PDE4D: variants seen among roughly 807,000 people sequenced by gnomAD.
The protein encoded by PDE4D is phosphodiesterase 4D.
A neutral mutation model predicts 87.4 loss-of-function variants in PDE4D; 24 were observed. The observed-to-expected ratio is 0.27, with a 90% confidence interval of 0.20 to 0.39. PDE4D has a LOEUF of 0.39. Ranked by LOEUF, PDE4D falls within the 10% of genes least tolerant of loss-of-function variation. The pLI is 1.00. For synonymous variants in PDE4D, 384 were observed against 383.2 expected, an observed-to-expected ratio of 1.00 and a Z score of -0.02; for missense variants, 714 against 1,041.0, an observed-to-expected ratio of 0.69 and a Z score of 4.32.
At chr5:59,619,111 CAATT>C (rs1830052916) in intron 1 of PDE4D, among the ~76,000 whole-genome samples, 1 of 152,032 alleles carries the variant, frequency 6.6e-6, no homozygotes, top group African/African-American at 2.4e-5. Context: ...TATGACTTGA[CAATT>C]GATTGGACAT....
chr5:60,111,170 A>C (rs1455773724), intron 2 of PDE4D, among the ~76,000 whole-genome samples: 1 of 152,046 alleles, frequency 6.6e-6, no homozygotes, highest in Non-Finnish European at 1.5e-5. Context: ...CAATGTTCAA[A>C]ACACAAAGAA....
chr5:60,513,501 C>T (rs902021891), intron 1 of PDE4D, among the ~76,000 whole-genome samples: 1 of 151,946 alleles, frequency 6.6e-6, no homozygotes, highest in South Asian at 2.1e-4. Context: ...TTTAACACAC[C>T]TCTTGTAACA....
At chr5:59,556,320 C>G (rs1008059337) in intron 1 of PDE4D, among the ~76,000 whole-genome samples, 6 of 152,084 alleles carry the variant, frequency 3.9e-5, no homozygotes, top group African/African-American at 1.4e-4. Flanking sequence ...CTGTACATTT[C>G]TTTAGCACAC....
At chr5:59,275,564 C>G (rs1043427576) in intron 1 of PDE4D, 1 of 1,418,184 alleles carries the variant, frequency 7.1e-7, no homozygotes, top group Non-Finnish European at 9.2e-7. Flanking sequence ...CGGTCCAGCT[C>G]ATGGGCAAGG....
intron 5 of PDE4D, among the ~76,000 whole-genome samples, chr5:59,173,678 A>G (rs1051277971): frequency 6.6e-6 from 1 of 152,210 alleles, no homozygotes; most frequent in African/African-American, 2.4e-5. Context: ...GGCAATTATT[A>G]AAGTGTGGCC....
At chr5:59,764,609 G>A (rs951203013) in intron 1 of PDE4D, among the ~76,000 whole-genome samples, 3 of 147,906 alleles carry the variant, frequency 2.0e-5, no homozygotes, top group African/African-American at 7.5e-5. Flanking sequence ...ATAGCATATA[G>A]AAATGAAATA....
At chr5:59,622,957 A>G (rs1830505469) in intron 1 of PDE4D, among the ~76,000 whole-genome samples, 1 of 151,980 alleles carries the variant, frequency 6.6e-6, no homozygotes, top group Admixed American at 6.6e-5. Flanking sequence ...CAGTAAGAAA[A>G]CCCTTCCTTT....
chr5:59,099,307 C>T (rs1005284113), intron 5 of PDE4D, among the ~76,000 whole-genome samples: 1 of 152,138 alleles, frequency 6.6e-6, no homozygotes, highest in African/African-American at 2.4e-5. Flanking sequence ...AGTAAAGATC[C>T]GGTTCTTTAC....
chr5:59,454,256 C>T (rs1341237928), intron 1 of PDE4D, among the ~76,000 whole-genome samples: 1 of 152,202 alleles, frequency 6.6e-6, no homozygotes, highest in African/African-American at 2.4e-5. Context: ...TGTGTCGCCA[C>T]CCAAATCTCA....
chr5:59,353,735 C>T (rs1780903428), intron 1 of PDE4D, among the ~76,000 whole-genome samples: 1 of 152,032 alleles, frequency 6.6e-6, no homozygotes, highest in Admixed American at 6.6e-5. Flanking sequence ...TCTCCCCTGC[C>T]TTTCCTTCCC....
chr5:59,639,937 T>C (rs1463539786), intron 1 of PDE4D, among the ~76,000 whole-genome samples: 2 of 130,128 alleles, frequency 1.5e-5, no homozygotes, highest in African/African-American at 6.6e-5. Flanking sequence ...GTAACAGTTC[T>C]TTTTTTTTTT....
chr5:59,364,921 T>G (rs1389884935), intron 1 of PDE4D, among the ~76,000 whole-genome samples: 1 of 151,916 alleles, frequency 6.6e-6, no homozygotes, highest in Non-Finnish European at 1.5e-5. Flanking sequence ...CAAATGCATG[T>G]TTAGCATCAC....
In PDE4D at chr5:60,051,899, T is replaced by G. The variant is rs562437547; in HGVS notation, c.43-63182A>C. Among the ~76,000 whole-genome samples, 722 of 151,984 alleles carry G rather than the reference T, an allele frequency of 4.8e-3. 6 individuals are homozygous for G. The highest frequency in any genetic ancestry group is 7.6e-3 in the Non-Finnish European group (516 of 67,950). Reference sequence around the variant, plus strand: ...GCAGAAATACAAATTACTATCAGAGTATACTATGAACAGCTCTATGCAAAT... The same window carrying G: ...GCAGAAATACAAATTACTATCAGAGGATACTATGAACAGCTCTATGCAAAT... On this transcript the variant is annotated intron_variant, in intron 2 of 16. Coordinates refer to the PDE4D transcript ENST00000502484.
intron 6 of PDE4D, 75 bp downstream of exon 6, chr5:59,038,784 C>A (rs1759033092): frequency 1.5e-6 from 2 of 1,311,470 alleles, no homozygotes; most frequent in South Asian, 1.7e-5. Flanking sequence ...TTTCCCGGGG[C>A]TATGGGTACC....
At chr5:59,402,347 T>C (rs924952137) in intron 1 of PDE4D, among the ~76,000 whole-genome samples, 37 of 152,282 alleles carry the variant, frequency 2.4e-4, no homozygotes, top group Non-Finnish European at 4.0e-4. Flanking sequence ...GTGAGATAAT[T>C]TAACCTGAAC....
At chr5:59,557,756 C>T (rs1819212152) in intron 1 of PDE4D, among the ~76,000 whole-genome samples, 1 of 152,064 alleles carries the variant, frequency 6.6e-6, no homozygotes, top group South Asian at 2.1e-4. Context: ...AAAATAAATA[C>T]TGAAACCACA....
At chr5:59,605,483 T>C (rs530927600) in intron 1 of PDE4D, among the ~76,000 whole-genome samples, 1 of 152,216 alleles carries the variant, frequency 6.6e-6, no homozygotes, top group African/African-American at 2.4e-5. Context: ...CCTCCCATGG[T>C]ATATACAAAG....
chr5:59,048,419 CA>C (rs1761045628), intron 5 of PDE4D, among the ~76,000 whole-genome samples: 1 of 152,110 alleles, frequency 6.6e-6, no homozygotes, highest in South Asian at 2.1e-4. Context: ...TTAGAGAAAA[CA>C]AGGAGTTTGA....
intron 1 of PDE4D, among the ~76,000 whole-genome samples, chr5:59,428,256 A>G (rs1220563279): frequency 1.3e-5 from 2 of 152,178 alleles, no homozygotes; most frequent in Non-Finnish European, 2.9e-5. Flanking sequence ...TATGTTTTGC[A>G]CTTATGCATT....
Sources: gnomAD v4.1 joint callset for allele counts (sites outside exome capture counted in the v4.1 genomes callset) on GRCh38, gnomAD v4.1.1 for gene constraint, MANE v1.5 for transcripts, NCBI Gene and HGNC (gene_info 2026-07-23, HGNC 2026-07-21) for gene names.